The following FAM178B variants were observed in gnomAD, a reference collection of about 807,000 sequenced individuals.
FAM178B encodes protein FAM178B.
Under a neutral mutation model 91.7 loss-of-function variants are expected in FAM178B, and 82 were observed. That is an observed-to-expected ratio of 0.89 (90% CI 0.75 to 1.07). The LOEUF (loss-of-function observed/expected upper bound fraction) is 1.07. FAM178B is among the 50% of genes least tolerant of loss of function. The pLI is 0.00. For synonymous variants in FAM178B, 368 were observed against 359.4 expected, an observed-to-expected ratio of 1.02 and a Z score of -0.27; for missense variants, 769 against 846.7, an observed-to-expected ratio of 0.91 and a Z score of 1.14.
intron 6 of FAM178B, among the ~76,000 whole-genome samples, chr2:96,958,349 C>T (rs1054601035): frequency 6.6e-6 from 1 of 152,018 alleles, no homozygotes; most frequent in Non-Finnish European, 1.5e-5. Flanking sequence ...GGGTTACAGG[C>T]GTGAGCCACC....
chr2:96,970,953 GC>G (rs1454530067), intron 3 of FAM178B, among the ~76,000 whole-genome samples, 176 bp from the exon 4 acceptor site: 3 of 151,556 alleles, frequency 2.0e-5, no homozygotes, highest in African/African-American at 7.3e-5. Context: ...ATGTCTCCCT[GC>G]CCCCATCCCC....
intron 6 of FAM178B, among the ~76,000 whole-genome samples, chr2:96,958,208 T>C (rs1227371636): frequency 6.6e-6 from 1 of 151,912 alleles, no homozygotes; most frequent in African/African-American, 2.4e-5. Context: ...TAGCTGGGAC[T>C]ACAGGCGCCC....
At chr2:96,930,464 T>G (rs1026127996) in intron 8 of FAM178B, among the ~76,000 whole-genome samples, 1 of 152,160 alleles carries the variant, frequency 6.6e-6, no homozygotes, top group Non-Finnish European at 1.5e-5. Context: ...AGAGCCTATG[T>G]TTCCACTCTG....
At chr2:96,888,620 G>A (rs2080586619) in intron 14 of FAM178B, among the ~76,000 whole-genome samples, 1 of 152,192 alleles carries the variant, frequency 6.6e-6, no homozygotes, top group Admixed American at 6.5e-5. Context: ...CCCTTGGCAG[G>A]GTCACCCAGC....
At chr2:96,903,925 G>A (rs2080981788) in intron 12 of FAM178B, among the ~76,000 whole-genome samples, 1 of 152,196 alleles carries the variant, frequency 6.6e-6, no homozygotes, top group African/African-American at 2.4e-5. Context: ...CGACAAAGCA[G>A]CGGACTCTTG....
chr2:96,891,821 T>G (rs1018428964), intron 14 of FAM178B, among the ~76,000 whole-genome samples: 1 of 151,602 alleles, frequency 6.6e-6, no homozygotes, highest in Admixed American at 6.6e-5. Flanking sequence ...CAGACAGGAG[T>G]GAGAGGGCCT....
At position 96,972,530 on chromosome 2, in the gene FAM178B, A is replaced by T; in HGVS notation, c.142+8T>A. On this transcript the variant is annotated splice_region_variant and intron_variant, in intron 2 of 16. Transcript: ENST00000490605. ...GGGGATTTACCTGTGCAGGTGAGAG[A>T]CGCCTACCTTCTCTCAGAGGAAGGG... The T allele has an allele frequency of 6.4e-7, 1 of 1,551,586 alleles. No individual in the cohort carries two copies. Among genetic ancestry groups the T allele is most frequent in the Non-Finnish European group, 8.7e-7 (1 of 1,146,888 alleles).
intron 12 of FAM178B, among the ~76,000 whole-genome samples, chr2:96,907,779 T>G (rs561301064): frequency 1.2e-4 from 18 of 152,340 alleles, no homozygotes; most frequent in African/African-American, 3.8e-4. Flanking sequence ...TGCTGGGATG[T>G]CGGGCAGTGA....
chr2:96,977,756 C>G, intron 1 of FAM178B: 1 of 447,896 alleles, frequency 2.2e-6, no homozygotes, highest in Non-Finnish European at 4.5e-6. Context: ...TTTCTGAGCA[C>G]AAGTGCTTTC....
At chr2:96,939,643 C>T (rs1189325034) in intron 8 of FAM178B, among the ~76,000 whole-genome samples, 1 of 152,114 alleles carries the variant, frequency 6.6e-6, no homozygotes, top group East Asian at 1.9e-4. Flanking sequence ...AAAAGAAATG[C>T]AGAGAGGTCG....
chr2:96,964,622 G>A (rs2082121634), intron 5 of FAM178B, among the ~76,000 whole-genome samples: 1 of 89,986 alleles, frequency 1.1e-5, no homozygotes, highest in South Asian at 2.4e-4. Flanking sequence ...TTGGCCTACA[G>A]ACGTGCTGTT....
intron 1 of FAM178B, among the ~76,000 whole-genome samples, chr2:96,978,106 C>T (rs903094157): frequency 6.6e-6 from 1 of 152,150 alleles, no homozygotes; most frequent in Non-Finnish European, 1.5e-5. Flanking sequence ...CTCTTCTTTC[C>T]TCACCTTAGT....
chr2:96,929,109 G>A, intron 9 of FAM178B, 97 bp downstream of exon 9: 1 of 886,008 alleles, frequency 1.1e-6, no homozygotes, highest in Non-Finnish European at 1.8e-6. Flanking sequence ...AGTGAGCTAT[G>A]ATTATACCCC....
At chr2:96,920,468 C>T (rs1013104978) in intron 12 of FAM178B, among the ~76,000 whole-genome samples, 4 of 152,002 alleles carry the variant, frequency 2.6e-5, no homozygotes, top group Non-Finnish European at 5.9e-5. Context: ...AGTGTGGTGG[C>T]GGGCGCCTGT....
intron 7 of FAM178B, among the ~76,000 whole-genome samples, chr2:96,951,050 T>A (rs2081917980): frequency 6.6e-6 from 1 of 152,076 alleles, no homozygotes; most frequent in South Asian, 2.1e-4. Context: ...AGACCGTAAG[T>A]CCACTGGGTA....
intron 1 of FAM178B, among the ~76,000 whole-genome samples, chr2:96,974,692 A>C (rs1401349142): frequency 6.6e-6 from 1 of 152,172 alleles, no homozygotes; most frequent in Non-Finnish European, 1.5e-5. Context: ...GTACTAAAAG[A>C]AAGCTCGGGT....
At position 96,937,898 on chromosome 2, in the gene FAM178B, C is replaced by T. The variant is rs189425860; in HGVS notation, c.1079-8578G>A. Among the ~76,000 whole-genome samples, 441 of 152,150 alleles carry T rather than the reference C, an allele frequency of 2.9e-3. 17 individuals are homozygous for T. In the East Asian group the frequency reaches 0.045, roughly 15 times the overall value. On this transcript the variant is annotated intron_variant, in intron 8 of 16. Coordinates refer to ENST00000490605, the MANE Select transcript of FAM178B (RefSeq NM_001122646.3). ...AACAAATTAGCCGGGCGTGGTGGCA[C>T]GCACCTGTAGTCCCAGCCACTCAGG...
rs116198790 is a variant in FAM178B, at chr2:96,948,378, C to A, written c.994-476G>T. ...GGTCAGCGCCTTAACACACTGTCAT[C>A]TGAGACCACCAGCTTAGACGGTCCT... On this transcript the variant is annotated intron_variant, in intron 7 of 16. Transcript: ENST00000490605. Among the ~76,000 whole-genome samples the A allele has an allele frequency of 4.2e-3, 646 of 152,336 alleles. 8 individuals are homozygous for A. The highest frequency in any genetic ancestry group is 0.015 in the African/African-American group (631 of 41,574).
At chr2:96,903,582 T>C (rs538934602) in intron 12 of FAM178B, among the ~76,000 whole-genome samples, 1 of 152,204 alleles carries the variant, frequency 6.6e-6, no homozygotes, top group Non-Finnish European at 1.5e-5. Context: ...AGTGCAGGCA[T>C]GCAGGCCTTT....
Sources: gnomAD v4.1 joint callset for allele counts (sites outside exome capture counted in the v4.1 genomes callset) on GRCh38, gnomAD v4.1.1 for gene constraint, MANE v1.5 for transcripts, NCBI Gene and HGNC (gene_info 2026-07-23, HGNC 2026-07-21) for gene names.